The following CD55 variants were observed in gnomAD, a reference collection of about 807,000 sequenced individuals.
CD55 encodes complement decay-accelerating factor.
A neutral mutation model predicts 45.8 loss-of-function variants in CD55; 41 were observed. That is an observed-to-expected ratio of 0.90 (90% confidence interval 0.70 to 1.16). The LOEUF (loss-of-function observed/expected upper bound fraction) is 1.16, where lower values mean the gene tolerates loss of function less well. CD55 is among the 50% of genes most tolerant of loss of function. The pLI is 0.00. For missense variants in CD55, 416 were observed against 469.8 expected, an observed-to-expected ratio of 0.89 and a Z score of 1.06; for synonymous variants, 181 against 181.1, an observed-to-expected ratio of 1.00 and a Z score of 0.01.
At chr1:207,356,233 T>C (rs1175850529) in intron 9 of CD55, among the ~76,000 whole-genome samples, 1 of 152,206 alleles carries the variant, frequency 6.6e-6, no homozygotes, top group Non-Finnish European at 1.5e-5. Flanking sequence ...CTGATGATTT[T>C]TAAAAATTTA....
intron 6 of CD55, among the ~76,000 whole-genome samples, chr1:207,333,576 C>A (rs1655043620): frequency 6.6e-6 from 1 of 152,088 alleles, no homozygotes; most frequent in Non-Finnish European, 1.5e-5. Context: ...GTGACCAAAT[C>A]AAGAGAAAAC....
chr1:207,332,376 A>G (rs889275264), intron 6 of CD55, among the ~76,000 whole-genome samples: 8 of 152,170 alleles, frequency 5.3e-5, no homozygotes, highest in African/African-American at 1.9e-4. Context: ...ATGCAAGTAC[A>G]TTTGTACAAT....
At chr1:207,337,071 C>T in intron 7 of CD55, 1 of 608,452 alleles carries the variant, frequency 1.6e-6, no homozygotes, top group Non-Finnish European at 2.9e-6. Context: ...GCAAATGATT[C>T]AGCCACCAAA....
At chr1:207,343,670 G>C (rs1235472227) in intron 9 of CD55, among the ~76,000 whole-genome samples, 10 of 152,184 alleles carry the variant, frequency 6.6e-5, no homozygotes, top group South Asian at 4.1e-4. Flanking sequence ...TTCTGTTAGT[G>C]TCTGTTAGGT....
At chr1:207,354,732 A>G (rs1030375199) in intron 9 of CD55, among the ~76,000 whole-genome samples, 3 of 152,154 alleles carry the variant, frequency 2.0e-5, no homozygotes, top group African/African-American at 7.2e-5. Context: ...TTTGTTTCTA[A>G]TTTGGGAGAT....
chr1:207,337,575 G>A, intron 8 of CD55, 166 bp downstream of exon 8: 1 of 438,486 alleles, frequency 2.3e-6, no homozygotes, highest in Non-Finnish European at 4.1e-6. Flanking sequence ...GATTGTACTA[G>A]GGCAAATCTT....
At position 207,321,783 on chromosome 1, in the gene CD55, G is replaced by A. The variant is rs922742365; in HGVS notation, c.18G>A (p.Pro6=). The stretch of plus-strand genomic sequence containing the variant: ...GGCGCGCCATGACCGTCGCGCGGCC[G>A]AGCGTGCCCGCGGCGCTGCCCCTCC... MTVAR[P]SVPAALPLLG... is the part of the protein sequence containing the mutation. The change falls in exon 1 of 10, where the codon CCG becomes CCA. Residue 6 remains proline (P), a synonymous_variant. Coordinates refer to ENST00000367064, the MANE Select transcript of CD55 (RefSeq NM_000574.5). 7.2e-6 allele frequency: 11 copies of A among 1,521,010 alleles called. No individual in the cohort carries two copies. The African/African-American group carries it at 8.4e-5, about 12-fold the overall frequency. The allele number at this position is 1,521,010 out of a possible 1,614,324, so 94.2% of individuals were successfully genotyped here.
intron 9 of CD55, among the ~76,000 whole-genome samples, chr1:207,356,554 G>A (rs1656081676): frequency 6.6e-6 from 1 of 152,102 alleles, no homozygotes; most frequent in African/African-American, 2.4e-5. Context: ...GAAATTGCCT[G>A]TGATTAGGGC....
chr1:207,351,048 A>G (rs1655849583), intron 9 of CD55, among the ~76,000 whole-genome samples: 2 of 152,108 alleles, frequency 1.3e-5, no homozygotes, highest in Non-Finnish European at 2.9e-5. Flanking sequence ...GGTATGTTGT[A>G]TCTTTGTTTT....
At chr1:207,354,088 C>T (rs1008746296) in intron 9 of CD55, 45 of 1,530,364 alleles carry the variant, frequency 2.9e-5, no homozygotes, top group Non-Finnish European at 3.8e-5. Context: ...TAGGTCACTC[C>T]AGTTCTTGGA....
At chr1:207,325,579 C>T in intron 3 of CD55, 43 bp from the exon 4 acceptor site, 1 of 1,242,500 alleles carries the variant, frequency 8.0e-7, no homozygotes, top group Non-Finnish European at 1.2e-6. Flanking sequence ...GTGTGTATGC[C>T]TGATAATTTA....
chr1:207,350,420 T>C (rs1655820420), intron 9 of CD55, among the ~76,000 whole-genome samples: 1 of 152,176 alleles, frequency 6.6e-6, no homozygotes, highest in African/African-American at 2.4e-5. Flanking sequence ...ATAGTTTCAG[T>C]ATGATTGGTA....
chr1:207,350,220 G>A (rs551547570), intron 9 of CD55: 199 of 400,638 alleles, frequency 5.0e-4, no homozygotes, highest in Middle Eastern at 2.2e-3. Context: ...CTACTTGATC[G>A]TGGTAAGTTA....
chr1:207,353,954 T>G, intron 9 of CD55: 1 of 1,511,002 alleles, frequency 6.6e-7, no homozygotes, highest in East Asian at 2.5e-5. Context: ...GAACAAAACC[T>G]TTCCATAACT....
intron 9 of CD55, among the ~76,000 whole-genome samples, chr1:207,357,009 A>G (rs1366905533): frequency 6.6e-6 from 1 of 152,186 alleles, no homozygotes; most frequent in African/African-American, 2.4e-5. Flanking sequence ...TAATGCTGTT[A>G]TTAAATTGTC....
At chr1:207,347,265 A>ATTT in intron 9 of CD55, 4 of 401,044 alleles carry the variant, frequency 1.0e-5, no homozygotes, top group Middle Eastern at 3.6e-4. Context: ...GGGTAAACAC[A>ATTT]TTTTTTTTTT....
Position 207,360,691 on chromosome 1 carries a change from A to G in CD55, c.*1081A>G, listed in dbSNP as rs139963064. 3.9e-5 allele frequency: 6 copies of G among 152,250 alleles called. No individual in the cohort carries two copies. Among genetic ancestry groups the G allele is most frequent in the East Asian group, 1.9e-4 (1 of 5,184 alleles). 9.4% of individuals were successfully genotyped at this position (152,250 alleles called of 1,614,324 possible). ...CATATCCTTTCCTATTAGAGTATCT[A>G]TATTACTTGTTACTGATTTACCTGA... On this transcript the variant is annotated 3_prime_UTR_variant, in exon 10 of 10. Coordinates refer to ENST00000367064, the MANE Select transcript of CD55 (RefSeq NM_000574.5).
At chr1:207,332,668 T>G (rs1404391230) in intron 6 of CD55, among the ~76,000 whole-genome samples, 2 of 152,236 alleles carry the variant, frequency 1.3e-5, no homozygotes, top group East Asian at 3.8e-4. Context: ...CCAAGTTTTA[T>G]TAAATGATCA....
chr1:207,326,359 T>A (rs1370684262), intron 4 of CD55, among the ~76,000 whole-genome samples: 1 of 152,214 alleles, frequency 6.6e-6, no homozygotes, highest in Non-Finnish European at 1.5e-5. Flanking sequence ...CAGATATTGG[T>A]TAGGTCATGA....
Sources: gnomAD v4.1 joint callset for allele counts (sites outside exome capture counted in the v4.1 genomes callset) on GRCh38, gnomAD v4.1.1 for gene constraint, MANE v1.5 for transcripts, NCBI Gene and HGNC (gene_info 2026-07-23, HGNC 2026-07-21) for gene names.